CADPS2: variants seen among roughly 807,000 people sequenced by gnomAD.
The protein encoded by CADPS2 is calcium-dependent secretion activator 2.
In CADPS2, 93 loss-of-function variants were observed where a neutral mutation model predicts 172.5. The observed-to-expected ratio is 0.54, with a 90% CI of 0.46 to 0.64. CADPS2 has a LOEUF of 0.64. CADPS2 is among the 30% of genes least tolerant of loss of function. The pLI is 0.00. For synonymous variants in CADPS2, 546 were observed against 555.2 expected (o/e 0.98, Z 0.23); for missense variants, 1,420 against 1,565.9 (o/e 0.91, Z 1.57).
At chr7:122,792,205 T>C (rs1016343234) in intron 1 of CADPS2, among the ~76,000 whole-genome samples, 1 of 152,200 alleles carries the variant, frequency 6.6e-6, no homozygotes, top group African/African-American at 2.4e-5. Flanking sequence ...CTCCCTGCTA[T>C]GGTCTGAATG....
In CADPS2 at chr7:122,629,208, G is replaced by A. The variant is rs750630770; in HGVS notation, c.867+40C>T. The stretch of plus-strand genomic sequence containing the variant: ...TTCAGCTCACAGAAATCTAGGTAAA[G>A]AAAGGAATGTCATACAGTATGTCCA... On this transcript the variant is annotated intron_variant, in intron 4 of 29. Transcript: ENST00000449022. 4 of 1,467,000 alleles carry A rather than the reference G, an allele frequency of 2.7e-6. No homozygotes were observed. In the South Asian group the frequency reaches 5.0e-5, roughly 18 times the overall value. 90.9% of individuals were successfully genotyped at this position (1,467,000 alleles called of 1,614,324 possible).
intron 7 of CADPS2, among the ~76,000 whole-genome samples, chr7:122,565,244 A>G (rs1009578091): frequency 2.0e-5 from 3 of 151,384 alleles, no homozygotes; most frequent in East Asian, 3.9e-4. Context: ...AAAAAAAAAA[A>G]CTTCCCAATT....
chr7:122,465,118 A>G (rs539900904), intron 14 of CADPS2, among the ~76,000 whole-genome samples: 1 of 152,306 alleles, frequency 6.6e-6, no homozygotes, highest in Admixed American at 6.5e-5. Flanking sequence ...AAGAGAAAAA[A>G]AGAGAGAGAA....
chr7:122,502,603 T>G (rs2059293593), intron 9 of CADPS2, among the ~76,000 whole-genome samples: 1 of 152,096 alleles, frequency 6.6e-6, no homozygotes, highest in South Asian at 2.1e-4. Context: ...TTTGACAAAA[T>G]CTAGAGGTTA....
intron 2 of CADPS2, among the ~76,000 whole-genome samples, chr7:122,720,451 T>C (rs1037639797): frequency 1.3e-5 from 2 of 150,830 alleles, no homozygotes; most frequent in Non-Finnish European, 3.0e-5. Context: ...TGTATACATA[T>C]CTACATGTAT....
At chr7:122,773,710 G>A (rs1413668736) in intron 1 of CADPS2, among the ~76,000 whole-genome samples, 2 of 152,024 alleles carry the variant, frequency 1.3e-5, no homozygotes, top group Non-Finnish European at 2.9e-5. Flanking sequence ...TCACAGAAAA[G>A]GGTTGGCATA....
At chr7:122,492,194 A>T (rs1033103571) in intron 9 of CADPS2, among the ~76,000 whole-genome samples, 4 of 151,864 alleles carry the variant, frequency 2.6e-5, no homozygotes, top group East Asian at 1.9e-4. Flanking sequence ...ATGAATAAAT[A>T]AATAAATTAA....
chr7:122,509,088 A>T (rs2059832894), intron 9 of CADPS2, among the ~76,000 whole-genome samples: 1 of 152,140 alleles, frequency 6.6e-6, no homozygotes, highest in African/African-American at 2.4e-5. Context: ...TAGTGTCCCA[A>T]ACTAAACCTA....
chr7:122,512,184 T>C (rs886232541), intron 9 of CADPS2, among the ~76,000 whole-genome samples: 3 of 152,108 alleles, frequency 2.0e-5, no homozygotes, highest in Non-Finnish European at 4.4e-5. Context: ...CAGGCTATCA[T>C]GGGACATCAA....
chr7:122,729,983 G>A (rs536557426), intron 2 of CADPS2, among the ~76,000 whole-genome samples: 3 of 151,756 alleles, frequency 2.0e-5, no homozygotes, highest in African/African-American at 7.2e-5. Context: ...TACCTGAAAT[G>A]TGAATGTGTC....
chr7:122,487,305 C>T (rs746977713), intron 11 of CADPS2, among the ~76,000 whole-genome samples: 20 of 152,052 alleles, frequency 1.3e-4, no homozygotes, highest in African/African-American at 1.9e-4. Context: ...GCCACTGCGC[C>T]GGCCAAACAT....
At chr7:122,767,381 C>T (rs2093586457) in intron 1 of CADPS2, among the ~76,000 whole-genome samples, 1 of 152,130 alleles carries the variant, frequency 6.6e-6, no homozygotes, top group African/African-American at 2.4e-5. Flanking sequence ...GGATTCAAAA[C>T]CCAGGTCTGC....
intron 5 of CADPS2, among the ~76,000 whole-genome samples, chr7:122,621,048 C>T (rs573254258): frequency 3.2e-4 from 48 of 151,982 alleles, no homozygotes; most frequent in Non-Finnish European, 4.7e-4. Flanking sequence ...TGGGACTACA[C>T]GCTCACATCA....
intron 3 of CADPS2, among the ~76,000 whole-genome samples, chr7:122,642,359 C>T (rs559473126): frequency 6.6e-6 from 1 of 151,892 alleles, no homozygotes; most frequent in East Asian, 1.9e-4. Context: ...AAACCCTAGG[C>T]TCTCCTTGCC....
chr7:122,320,119 A>T lies in CADPS2; in HGVS notation c.*46T>A, dbSNP rs750550322. The T allele has an allele frequency of 1.4e-6, 2 of 1,458,886 alleles. No individual in the cohort carries two copies. Among genetic ancestry groups the T allele is most frequent in the Non-Finnish European group, 1.8e-6 (2 of 1,098,224 alleles). 90.4% of individuals were successfully genotyped at this position (1,458,886 alleles called of 1,614,324 possible). A position where few individuals can be genotyped will look rare whatever the true frequency, so the allele number is the denominator to read the frequency against. ...AAGGACAAGGTTAAAAAAATAAAAA[A>T]CAATGTCGATCAAGGTCTTCCTTCC... On this transcript the variant is annotated 3_prime_UTR_variant, in exon 30 of 30. Transcript: ENST00000449022.
At chr7:122,604,648 CT>C (rs2073256815) in intron 6 of CADPS2, among the ~76,000 whole-genome samples, 1 of 152,128 alleles carries the variant, frequency 6.6e-6, no homozygotes. Flanking sequence ...CCCTTCAAAC[CT>C]TTTCTCATGC....
Position 122,667,866 on chromosome 7 carries a change from C to T in CADPS2, c.454-4297G>A, listed in dbSNP as rs1240986991. On this transcript the variant is annotated intron_variant, in intron 2 of 29. Transcript: ENST00000449022. ...GCACAAAAGAATAACACTGCAAGGCCATTTGAGGGAAATACAAGGACTTTC... is the reference window on the plus strand; with the variant it reads ...GCACAAAAGAATAACACTGCAAGGCTATTTGAGGGAAATACAAGGACTTTC... Among the ~76,000 whole-genome samples the T allele has an allele frequency of 2.0e-5, 3 of 151,862 alleles. No individual in the cohort carries two copies. In the East Asian group the frequency reaches 5.8e-4, roughly 29 times the overall value.
intron 2 of CADPS2, chr7:122,702,061 T>C: frequency 6.2e-7 from 1 of 1,613,614 alleles, no homozygotes; most frequent in African/African-American, 1.3e-5. Context: ...TCTTCACATC[T>C]GTCTTTATTT....
At chr7:122,722,349 G>A (rs1420280308) in intron 2 of CADPS2, among the ~76,000 whole-genome samples, 12 of 151,754 alleles carry the variant, frequency 7.9e-5, no homozygotes, top group East Asian at 1.9e-4. Flanking sequence ...CAAACTCTCA[G>A]GATACAAAAT....
Sources: gnomAD v4.1 joint callset for allele counts (sites outside exome capture counted in the v4.1 genomes callset) on GRCh38, gnomAD v4.1.1 for gene constraint, MANE v1.5 for transcripts, NCBI Gene and HGNC (gene_info 2026-07-23, HGNC 2026-07-21) for gene names.